The following FAR1 variants were observed in gnomAD, a reference collection of about 807,000 sequenced individuals.
The protein encoded by FAR1 is fatty acyl-CoA reductase 1, also known as male sterility domain-containing protein 2.
Under a neutral mutation model 61.1 loss-of-function variants are expected in FAR1, and 22 were observed. The observed-to-expected ratio is 0.36, with a 90% CI of 0.26 to 0.51. FAR1 has a LOEUF of 0.51. Among genes scored for constraint, FAR1 ranks in the 20% least tolerant of loss-of-function variants. The pLI is 0.95. For synonymous variants in FAR1, 206 were observed against 209.7 expected, an observed-to-expected ratio of 0.98 and a Z score of 0.15; for missense variants, 359 against 626.9, an observed-to-expected ratio of 0.57 and a Z score of 4.56.
intron 3 of FAR1, among the ~76,000 whole-genome samples, chr11:13,707,139 A>T (rs746838946): frequency 5.9e-5 from 9 of 152,202 alleles, no homozygotes; most frequent in Non-Finnish European, 1.0e-4. Flanking sequence ...GAGTCATTCC[A>T]TATTCCATAG....
chr11:13,710,676 T>C lies in FAR1; in HGVS notation c.546-17T>C. 1.3e-6 allele frequency: 2 copies of C among 1,552,760 alleles called. No individual in the cohort carries two copies. The highest frequency in any genetic ancestry group is 1.7e-6 in the Non-Finnish European group (2 of 1,158,128). On this transcript the variant is annotated splice_polypyrimidine_tract_variant and intron_variant, in intron 4 of 11. Transcript: ENST00000354817. The stretch of plus-strand genomic sequence containing the variant: ...TAAAATATCTGGAAATATATTTGTA[T>C]GCAATTTCTTTACCAGGTGGATGGA...
In FAR1 at chr11:13,693,432, C is replaced by T. The variant is rs564251624; in HGVS notation, c.-7-1327C>T. Reference sequence around the variant, plus strand: ...CTTCGTTTGTGGATGTTTGGAGCAACCATCAGGCTCAATTCCAGTTCTCTT... The same window carrying T: ...CTTCGTTTGTGGATGTTTGGAGCAATCATCAGGCTCAATTCCAGTTCTCTT... On this transcript the variant is annotated intron_variant, in intron 1 of 11. Coordinates refer to ENST00000354817, the MANE Select transcript of FAR1 (RefSeq NM_032228.6). Among the ~76,000 whole-genome samples the T allele has an allele frequency of 1.5e-3, 225 of 152,326 alleles. 1 individual carries two copies. Among genetic ancestry groups the T allele is most frequent in the African/African-American group, 5.1e-3 (213 of 41,566 alleles).
intron 11 of FAR1, among the ~76,000 whole-genome samples, chr11:13,728,279 T>C (rs1848686594): frequency 6.6e-6 from 1 of 151,892 alleles, no homozygotes; most frequent in Non-Finnish European, 1.5e-5. Context: ...GCTTATCCAC[T>C]TGGCCTTTGA....
intron 1 of FAR1, among the ~76,000 whole-genome samples, chr11:13,692,501 C>A (rs1848261094): frequency 2.0e-5 from 3 of 152,134 alleles, no homozygotes; most frequent in Admixed American, 2.0e-4. Context: ...GTCTCACCAA[C>A]AGTGTATGAT....
intron 2 of FAR1, among the ~76,000 whole-genome samples, chr11:13,696,499 T>G (rs1848307544): frequency 6.6e-6 from 1 of 152,162 alleles, no homozygotes; most frequent in South Asian, 2.1e-4. Flanking sequence ...TTCAGAGCAG[T>G]GCTTCTAAAA....
At chr11:13,670,981 G>A (rs547833548) in intron 1 of FAR1, among the ~76,000 whole-genome samples, 1 of 152,188 alleles carries the variant, frequency 6.6e-6, no homozygotes, top group Non-Finnish European at 1.5e-5. Flanking sequence ...AGCATTTGCT[G>A]TGTAACATGT....
intron 1 of FAR1, among the ~76,000 whole-genome samples, chr11:13,687,279 C>T (rs1297548694): frequency 6.6e-6 from 1 of 152,182 alleles, no homozygotes; most frequent in Non-Finnish European, 1.5e-5. Flanking sequence ...AACAAAATAG[C>T]TAGCTACGAC....
intron 7 of FAR1, 55 bp from the exon 8 acceptor site, chr11:13,712,911 T>C: frequency 7.1e-7 from 1 of 1,400,154 alleles, no homozygotes; most frequent in Non-Finnish European, 1.0e-6. Flanking sequence ...AGGACTTAGA[T>C]TGGATATGTT....
chr11:13,674,107 C>T (rs146547418), intron 1 of FAR1, among the ~76,000 whole-genome samples: 1 of 151,812 alleles, frequency 6.6e-6, no homozygotes, highest in Non-Finnish European at 1.5e-5. Flanking sequence ...GTCAGGAGTT[C>T]GATACCAGCC....
intron 7 of FAR1, among the ~76,000 whole-genome samples, 166 bp from the exon 8 acceptor site, chr11:13,712,800 G>A (rs1042075210): frequency 6.6e-6 from 1 of 151,946 alleles, no homozygotes; most frequent in Admixed American, 6.6e-5. Context: ...AAGGGTAGTT[G>A]TAAATAGTCA....
intron 5 of FAR1, chr11:13,711,102 T>A: frequency 2.1e-6 from 1 of 477,864 alleles, no homozygotes; most frequent in African/African-American, 2.0e-5. Context: ...TAAGTGAAAA[T>A]TAAAAGCTGT....
At chr11:13,677,202 C>T (rs923421757) in intron 1 of FAR1, among the ~76,000 whole-genome samples, 5 of 152,122 alleles carry the variant, frequency 3.3e-5, no homozygotes, top group East Asian at 1.9e-4. Context: ...TTTACTTTGC[C>T]ATCATATACT....
At chr11:13,677,600 C>T (rs1848080696) in intron 1 of FAR1, among the ~76,000 whole-genome samples, 1 of 152,188 alleles carries the variant, frequency 6.6e-6, no homozygotes, top group Middle Eastern at 3.2e-3. Context: ...AGTTCTTTTG[C>T]CACATTTGGT....
At position 13,721,985 on chromosome 11, in the gene FAR1, A is replaced by T; in HGVS notation, c.1257+126A>T. 2.8e-6 allele frequency: 2 copies of T among 727,036 alleles called. No homozygotes were observed. Among genetic ancestry groups the T allele is most frequent in the Non-Finnish European group, 4.2e-6 (2 of 475,938 alleles). 45.0% of individuals were successfully genotyped at this position (727,036 alleles called of 1,614,324 possible). ...AGTAAGCCATTATTTATAGTCTCTC[A>T]TAAAGCTTTAGTCATAATTGTTAGT... is the stretch of plus-strand genomic sequence containing the variant. On this transcript the variant is annotated intron_variant, in intron 10 of 11. Transcript: ENST00000354817. The surrounding 1 kb of genome is among the most constrained non-coding windows in gnomAD (Gnocchi z 4.2).
intron 11 of FAR1, among the ~76,000 whole-genome samples, chr11:13,728,023 C>T (rs1294769598): frequency 6.6e-6 from 1 of 151,806 alleles, no homozygotes; most frequent in South Asian, 2.1e-4. Flanking sequence ...ACTCCATATT[C>T]GAACCTCTTT....
chr11:13,684,370 C>T (rs1373034890), intron 1 of FAR1, among the ~76,000 whole-genome samples: 1 of 152,136 alleles, frequency 6.6e-6, no homozygotes, highest in African/African-American at 2.4e-5. Context: ...ATCAGACTGA[C>T]AGCTGAAGGA....
intron 1 of FAR1, among the ~76,000 whole-genome samples, chr11:13,675,245 A>G (rs1848054111): frequency 6.6e-6 from 1 of 152,176 alleles, no homozygotes; most frequent in Non-Finnish European, 1.5e-5. Context: ...AAGAGACTGT[A>G]CATATGTGAA....
intron 3 of FAR1, among the ~76,000 whole-genome samples, chr11:13,700,942 T>A (rs1219751696): frequency 6.6e-6 from 1 of 152,092 alleles, no homozygotes; most frequent in African/African-American, 2.4e-5. Context: ...ATTTTCAAAC[T>A]TTTGCAGTAG....
At chr11:13,672,888 G>GT (rs1459897456) in intron 1 of FAR1, among the ~76,000 whole-genome samples, 1 of 152,012 alleles carries the variant, frequency 6.6e-6, no homozygotes, top group Non-Finnish European at 1.5e-5. Flanking sequence ...TGAATTTAAG[G>GT]TTTAAAAAAA....
Sources: allele counts gnomAD v4.1 joint callset (sites outside exome capture counted in the v4.1 genomes callset), GRCh38; gene constraint gnomAD v4.1.1; non-coding constraint Gnocchi (gnomAD v3.1); transcripts MANE v1.5; gene names NCBI Gene and HGNC (gene_info 2026-07-23, HGNC 2026-07-21).